The following PPP2R2A variants were observed in gnomAD, a reference collection of about 807,000 sequenced individuals.
The protein encoded by PPP2R2A is serine/threonine-protein phosphatase 2A 55 kDa regulatory subunit B alpha isoform.
A neutral mutation model predicts 53.2 loss-of-function variants in PPP2R2A; 9 were observed. That is an observed-to-expected ratio of 0.17 (90% CI 0.10 to 0.30). The LOEUF is 0.30. Ranked by LOEUF, PPP2R2A falls within the 10% of genes least tolerant of loss-of-function variation. The pLI, the probability that PPP2R2A is intolerant of heterozygous loss-of-function variation, is 1.00. For synonymous variants in PPP2R2A, 169 were observed against 174.2 expected, an observed-to-expected ratio of 0.97 and a Z score of 0.23; for missense variants, 235 against 534.6, an observed-to-expected ratio of 0.44 and a Z score of 5.53.
intron 2 of PPP2R2A, among the ~76,000 whole-genome samples, chr8:26,305,210 TC>T (rs1801962821): frequency 6.6e-6 from 1 of 152,240 alleles, no homozygotes; most frequent in Non-Finnish European, 1.5e-5. Context: ...TCTTCAGGGT[TC>T]ATCCCTGTTG....
rs1393199506 is a variant in PPP2R2A, at chr8:26,299,553, A to G, written c.82+5813A>G. Among the ~76,000 whole-genome samples the G allele has an allele frequency of 5.9e-5, 9 of 152,264 alleles. No homozygotes were observed. The East Asian group carries it at 1.7e-3, about 29-fold the overall frequency. ...CTTGTGGACTGGGTCTTGAAAAAAT[A>G]TTTTTTAAATGGTAGAGGCTAAAAT... On this transcript the variant is annotated intron_variant, in intron 2 of 9. Coordinates refer to ENST00000380737, the MANE Select transcript of PPP2R2A (RefSeq NM_002717.4).
chr8:26,342,512 C>CCAAAA lies in PPP2R2A; in HGVS notation c.180+3525_180+3526insCAAAA, dbSNP rs1159098983. Among the ~76,000 whole-genome samples the CCAAAA allele has an allele frequency of 1.1e-4, 17 of 152,184 alleles. 1 individual carries two copies. Among genetic ancestry groups the CCAAAA allele is most frequent in the Non-Finnish European group, 1.5e-5 (1 of 68,022 alleles). On this transcript the variant is annotated intron_variant, in intron 3 of 9. Transcript: ENST00000380737. ...AGTTGTCAAAGTAGCTGGTTTCCTA[C>CCAAAA]TGAGTTGGGTTGCTCAGACCTTCAG...
chr8:26,322,407 A>G (rs1802883030), intron 2 of PPP2R2A, among the ~76,000 whole-genome samples: 1 of 152,212 alleles, frequency 6.6e-6, no homozygotes, highest in Non-Finnish European at 1.5e-5. Flanking sequence ...AGAATAGAAC[A>G]TTTCTATCGT....
rs981181822 is a variant in PPP2R2A at position 26,370,539 on chromosome 8, C to T, written c.*126C>T. ...TTCCAGTGTTTGACAGTGTGCCATT[C>T]GACAACACATTGTTATAGCTACATG... On this transcript the variant is annotated 3_prime_UTR_variant, in exon 10 of 10. Transcript: ENST00000380737. This position sits in a 1 kb window ranked among gnomAD's most constrained non-coding sequence, Gnocchi z 6.1. The T allele has an allele frequency of 2.2e-5, 23 of 1,054,604 alleles. No individual in the cohort carries two copies. Among genetic ancestry groups the T allele is most frequent in the Middle Eastern group, 2.5e-4 (1 of 3,960 alleles). The allele number at this position is 1,054,604 out of a possible 1,614,324, so 65.3% of individuals were successfully genotyped here. A position where few individuals can be genotyped will look rare whatever the true frequency, so the allele number is the denominator to read the frequency against.
chr8:26,334,409 G>T lies in PPP2R2A; in HGVS notation c.83-4481G>T, dbSNP rs952147152. Among the ~76,000 whole-genome samples, 4 of 152,114 alleles carry T rather than the reference G, an allele frequency of 2.6e-5. No homozygotes were observed. The East Asian group carries it at 5.8e-4, about 22-fold the overall frequency. On this transcript the variant is annotated intron_variant, in intron 2 of 9. Coordinates refer to ENST00000380737, the MANE Select transcript of PPP2R2A (RefSeq NM_002717.4). ...CATGATACACAGTGCATTGTTTAAAGGTGCAGAATTCTCAAATTCCAGCAT... is the reference window on the plus strand; with the variant it reads ...CATGATACACAGTGCATTGTTTAAATGTGCAGAATTCTCAAATTCCAGCAT...
intron 2 of PPP2R2A, among the ~76,000 whole-genome samples, chr8:26,308,505 T>C (rs914522425): frequency 2.0e-5 from 3 of 152,364 alleles, no homozygotes; most frequent in African/African-American, 7.2e-5. Flanking sequence ...CAGCAGTAGA[T>C]TCCATCTCAA....
chr8:26,292,538 T>G (rs1027571796), intron 1 of PPP2R2A: 1 of 782,964 alleles, frequency 1.3e-6, no homozygotes, highest in African/African-American at 1.9e-5. Context: ...TAGAGTTAGT[T>G]AAAATAGTTG....
At chr8:26,316,356 AATG>A (rs577981025) in intron 2 of PPP2R2A, among the ~76,000 whole-genome samples, 10 of 152,178 alleles carry the variant, frequency 6.6e-5, no homozygotes, top group Admixed American at 1.3e-4. Flanking sequence ...ATAGCAAAAA[AATG>A]ATACAAATTA....
At chr8:26,293,600 TCTTTG>T in intron 1 of PPP2R2A, 61 bp from the exon 2 acceptor site, 1 of 1,470,932 alleles carries the variant, frequency 6.8e-7, no homozygotes, top group Non-Finnish European at 9.4e-7. Context: ...ATGGATACCA[TCTTTG>T]TGTTTACGAG....
chr8:26,306,087 C>A (rs1239609030), intron 2 of PPP2R2A, among the ~76,000 whole-genome samples: 2 of 151,340 alleles, frequency 1.3e-5, no homozygotes, highest in East Asian at 3.9e-4. Context: ...ACAGGAGAAT[C>A]GCTTGAACCC....
At chr8:26,347,829 A>C (rs1280616633) in intron 3 of PPP2R2A, among the ~76,000 whole-genome samples, 2 of 152,196 alleles carry the variant, frequency 1.3e-5, no homozygotes, top group African/African-American at 2.4e-5. Flanking sequence ...ATAATTTAAT[A>C]AGGCCTTGCA....
At chr8:26,351,109 T>C (rs191721185) in intron 3 of PPP2R2A, among the ~76,000 whole-genome samples, 1 of 152,212 alleles carries the variant, frequency 6.6e-6, no homozygotes, top group Non-Finnish European at 1.5e-5. Context: ...ATTATTAATA[T>C]AATACAGTTG....
chr8:26,359,209 T>C (rs559310349), intron 4 of PPP2R2A, among the ~76,000 whole-genome samples: 120 of 152,244 alleles, frequency 7.9e-4, no homozygotes, highest in Non-Finnish European at 1.3e-3. Flanking sequence ...ACTGTCAAGA[T>C]CAAGAAAAAT....
intron 2 of PPP2R2A, among the ~76,000 whole-genome samples, chr8:26,317,800 G>C (rs999872241): frequency 6.6e-6 from 1 of 152,206 alleles, no homozygotes; most frequent in Admixed American, 6.5e-5. Context: ...GTGGCAGAGA[G>C]GGATCTGAAG....
At chr8:26,310,299 A>C (rs1315035030) in intron 2 of PPP2R2A, among the ~76,000 whole-genome samples, 2 of 50,754 alleles carry the variant, frequency 3.9e-5, no homozygotes, top group African/African-American at 7.7e-5. Context: ...AAAAAAAAAA[A>C]CACAGTGTCT....
chr8:26,369,122 T>C (rs1805535834), intron 9 of PPP2R2A, among the ~76,000 whole-genome samples: 1 of 150,720 alleles, frequency 6.6e-6, no homozygotes, highest in East Asian at 2.0e-4. Context: ...AAAAAAAAAT[T>C]ATACACACAC....
chr8:26,358,696 T>C (rs747210953), intron 4 of PPP2R2A, among the ~76,000 whole-genome samples: 10 of 152,216 alleles, frequency 6.6e-5, no homozygotes, highest in Non-Finnish European at 1.2e-4. Flanking sequence ...ATTTTGCTTA[T>C]GAAAGATCGT....
intron 2 of PPP2R2A, among the ~76,000 whole-genome samples, chr8:26,337,856 G>T (rs1442269831): frequency 6.6e-6 from 1 of 152,178 alleles, no homozygotes; most frequent in East Asian, 1.9e-4. Flanking sequence ...AGGAAGAAAA[G>T]AAACCTTCTC....
intron 2 of PPP2R2A, among the ~76,000 whole-genome samples, chr8:26,296,680 G>C (rs1801553281): frequency 6.6e-6 from 1 of 152,156 alleles, no homozygotes; most frequent in African/African-American, 2.4e-5. Context: ...GCTCTGTCTA[G>C]AACAGTGCCT....
Sources: gnomAD v4.1 joint callset for allele counts (sites outside exome capture counted in the v4.1 genomes callset) on GRCh38, gnomAD v4.1.1 for gene constraint, Gnocchi (gnomAD v3.1) non-coding constraint, MANE v1.5 for transcripts, NCBI Gene and HGNC (gene_info 2026-07-23, HGNC 2026-07-21) for gene names.